N4BP1: variants seen among roughly 807,000 people sequenced by gnomAD.
N4BP1 encodes the protein NEDD4-binding protein 1.
Under a neutral mutation model 70.9 loss-of-function variants are expected in N4BP1, and 21 were observed. The observed-to-expected ratio is 0.30, with a 90% CI of 0.21 to 0.43. The LOEUF is 0.43. Among genes scored for constraint, N4BP1 ranks in the 20% least tolerant of loss-of-function variants. The pLI, the probability that N4BP1 is intolerant of heterozygous loss-of-function variation, is 1.00. For synonymous variants in N4BP1, 387 were observed against 394.6 expected (o/e 0.98, Z 0.23); for missense variants, 936 against 1,069.4 (o/e 0.88, Z 1.74).
Position 48,600,542 on chromosome 16 carries a change from A to C in N4BP1, c.198+9233T>G. ...GAAAGTTCAGGATATCAAACAGGTC[A>C]AGCAAAACATCCATCTTATCTGAGT... On this transcript the variant is annotated intron_variant, in intron 1 of 6. Coordinates refer to ENST00000262384, the MANE Select transcript of N4BP1 (RefSeq NM_153029.4). 5.1e-6 allele frequency: 3 copies of C among 585,818 alleles called. No homozygotes were observed. The East Asian group carries it at 1.2e-4, about 24-fold the overall frequency. 36.3% of individuals were successfully genotyped at this position (585,818 alleles called of 1,614,324 possible).
intron 2 of N4BP1, among the ~76,000 whole-genome samples, chr16:48,555,087 G>C (rs183914292): frequency 6.6e-6 from 1 of 152,228 alleles, no homozygotes; most frequent in African/African-American, 2.4e-5. Context: ...ACCTTTCCTT[G>C]CTCCTTCTTC....
At chr16:48,584,604 T>C (rs900278868) in intron 1 of N4BP1, among the ~76,000 whole-genome samples, 3 of 133,428 alleles carry the variant, frequency 2.2e-5, no homozygotes, top group Non-Finnish European at 1.6e-5. Context: ...GTTAGCCTTT[T>C]AAGGACAAAA....
At chr16:48,559,095 G>T (rs1187446734) in intron 2 of N4BP1, among the ~76,000 whole-genome samples, 1 of 152,086 alleles carries the variant, frequency 6.6e-6, no homozygotes, top group African/African-American at 2.4e-5. Flanking sequence ...AGAAGTAAGG[G>T]CTAGGATGAA....
chr16:48,574,042 AG>A (rs1964059068), intron 1 of N4BP1, among the ~76,000 whole-genome samples: 1 of 152,172 alleles, frequency 6.6e-6, no homozygotes, highest in African/African-American at 2.4e-5. Context: ...ACGTTGTTCA[AG>A]GGTCAACTGC....
At position 48,539,134 on chromosome 16, in the gene N4BP1, C is replaced by T. The variant is rs1484748339; in HGVS notation, c.*3770G>A. The stretch of plus-strand genomic sequence containing the variant: ...TGGCTGGGAGGTGGACAGCCACGGA[C>T]ACTAAGCTCAGGAGATGTGAACTTT... On this transcript the variant is annotated 3_prime_UTR_variant, in exon 7 of 7. Transcript: ENST00000262384. 2 of 152,306 alleles carry T rather than the reference C, an allele frequency of 1.3e-5. No homozygotes were observed. Among genetic ancestry groups the T allele is most frequent in the Non-Finnish European group, 2.9e-5 (2 of 68,132 alleles). The allele number at this position is 152,306 out of a possible 1,614,324, so 9.4% of individuals were successfully genotyped here.
intron 2 of N4BP1, among the ~76,000 whole-genome samples, chr16:48,554,968 C>G (rs1380783116): frequency 1.3e-5 from 2 of 152,250 alleles, no homozygotes; most frequent in East Asian, 1.9e-4. Flanking sequence ...AAGTGACCCT[C>G]CCACTACCAT....
At chr16:48,587,595 C>T (rs1234441815) in intron 1 of N4BP1, among the ~76,000 whole-genome samples, 1 of 152,156 alleles carries the variant, frequency 6.6e-6, no homozygotes, top group East Asian at 1.9e-4. Context: ...CTTTCACTGG[C>T]TCTCTTCACT....
At chr16:48,600,132 T>G in intron 1 of N4BP1, 4 of 424,068 alleles carry the variant, frequency 9.4e-6, no homozygotes, top group African/African-American at 2.1e-5. Flanking sequence ...AAGCTTGGCA[T>G]TTGGTTGGTG....
chr16:48,560,620 C>T (rs915440186), intron 2 of N4BP1, 134 bp downstream of exon 2: 10 of 1,201,840 alleles, frequency 8.3e-6, no homozygotes, highest in Admixed American at 2.7e-5. Context: ...GTTCCCATTC[C>T]CCTCCACCAT....
At chr16:48,566,242 G>C (rs1006494646) in intron 1 of N4BP1, among the ~76,000 whole-genome samples, 1 of 151,872 alleles carries the variant, frequency 6.6e-6, no homozygotes, top group East Asian at 1.9e-4. Context: ...GCAAGATCTT[G>C]CTATGTTGTC....
intron 4 of N4BP1, among the ~76,000 whole-genome samples, chr16:48,549,407 A>G (rs748121894): frequency 2.0e-5 from 3 of 152,192 alleles, no homozygotes; most frequent in Non-Finnish European, 4.4e-5. Context: ...ACATATATGC[A>G]TGTTCTCTAA....
At chr16:48,591,436 C>G (rs1457348836) in intron 1 of N4BP1, among the ~76,000 whole-genome samples, 1 of 152,038 alleles carries the variant, frequency 6.6e-6, no homozygotes, top group Non-Finnish European at 1.5e-5. Context: ...CATGGTTAAG[C>G]TGTAACCTTA....
rs142256457 is a variant in N4BP1 at position 48,602,796 on chromosome 16, A to AAAATAAATAAAT, written c.198+6967_198+6978dup. 3.4e-3 allele frequency among the ~76,000 whole-genome samples: 499 copies of AAAATAAATAAAT among 146,772 alleles called. 1 individual carries two copies. The highest frequency in any genetic ancestry group is 5.7e-3 in the Non-Finnish European group (380 of 66,724). On this transcript the variant is annotated intron_variant, in intron 1 of 6. Transcript: ENST00000262384. ...GGAAACCCCATCTCTATAAAAAATA[A>AAAATAAATAAAT]AAATAAATAAATAAATAAATAAATA...
chr16:48,561,440 T>C lies in N4BP1; in HGVS notation c.1203A>G (p.Thr401=), dbSNP rs778159153. The change falls in exon 2 of 7, where the codon ACA becomes ACG. Residue 401 remains threonine (T), a synonymous_variant. Transcript: ENST00000262384. ...FQEDREFSAG[T]VYPETNKTKN... The stretch of plus-strand genomic sequence containing the variant: ...TGGTTTTGTTGGTCTCTGGATACAC[T>C]GTACCAGCTGAAAATTCTCTGTCTT... 1.9e-6 allele frequency: 3 copies of C among 1,612,442 alleles called. No homozygotes were observed. Among genetic ancestry groups the C allele is most frequent in the Non-Finnish European group, 2.5e-6 (3 of 1,179,550 alleles).
At chr16:48,605,047 C>G (rs1028492956) in intron 1 of N4BP1, among the ~76,000 whole-genome samples, 1 of 143,356 alleles carries the variant, frequency 7.0e-6, no homozygotes, top group Non-Finnish European at 1.5e-5. Flanking sequence ...TTTTTTTTTT[C>G]TCAAGACAGA....
chr16:48,561,097 G>A lies in N4BP1; in HGVS notation c.1546C>T (p.Pro516Ser), dbSNP rs1005434447. 6 of 1,613,884 alleles carry A rather than the reference G, an allele frequency of 3.7e-6. No individual in the cohort carries two copies. The Admixed American group carries it at 5.0e-5, about 13-fold the overall frequency. ...FVSRGASSHQ[P>S]RVPLFPENGL... ...TTTTCAGGAAAAAGTGGAACTCTGG[G>A]CTGGTGACTTGAAGCTCCCCTTGAA... The change falls in exon 2 of 7, where the codon CCC becomes TCC. Residue 516 changes from proline to serine, a missense_variant. Pro to Ser is a moderately conservative substitution (Grantham distance 74). Transcript: ENST00000262384.
chr16:48,561,930 T>C lies in N4BP1; in HGVS notation c.713A>G (p.Asn238Ser), dbSNP rs756892350. 8.7e-6 allele frequency: 14 copies of C among 1,614,014 alleles called. No individual in the cohort carries two copies. Among genetic ancestry groups the C allele is most frequent in the Non-Finnish European group, 1.2e-5 (14 of 1,179,898 alleles). ...CTCAGAAACAGGAGTCCCAGCTTTA[T>C]TTCTTGCCTCTTCCTGCAAAACAGT... ...DETVLQEEAR[N>S]KAGTPVSELT... The change falls in exon 2 of 7, where the codon AAT (asparagine) becomes AGT (serine). Residue 238 changes from asparagine to serine, a missense_variant. Asn to Ser is a conservative substitution (Grantham distance 46, BLOSUM62 1). Around this residue, in one of 4 missense-constraint regions of N4BP1, gnomAD observed 515 missense variants for 491.7 expected, o/e 1.05. Transcript: ENST00000262384.
intron 2 of N4BP1, among the ~76,000 whole-genome samples, chr16:48,558,784 G>A (rs1189332365): frequency 6.6e-6 from 1 of 152,070 alleles, no homozygotes; most frequent in Non-Finnish European, 1.5e-5. Context: ...CTTAGATATC[G>A]CTATGCAGCT....
At chr16:48,558,841 A>G (rs1327205874) in intron 2 of N4BP1, among the ~76,000 whole-genome samples, 6 of 152,248 alleles carry the variant, frequency 3.9e-5, no homozygotes, top group Non-Finnish European at 7.3e-5. Flanking sequence ...CAAAAAAACC[A>G]AAGTGAAATG....
Sources: allele counts gnomAD v4.1 joint callset (sites outside exome capture counted in the v4.1 genomes callset), GRCh38; gene constraint gnomAD v4.1.1; regional missense constraint gnomAD v4.1.1; transcripts MANE v1.5; gene names NCBI Gene and HGNC (gene_info 2026-07-23, HGNC 2026-07-21).